The following SV2B variants were observed in gnomAD, a reference collection of about 807,000 sequenced individuals.
SV2B encodes the protein solute carrier family 22 member B2.
A neutral mutation model predicts 73.9 loss-of-function variants in SV2B; 41 were observed. The observed-to-expected ratio is 0.56, with a 90% confidence interval of 0.43 to 0.72. SV2B has a LOEUF of 0.72. Ranked by LOEUF, SV2B falls within the 30% of genes least tolerant of loss-of-function variation. The pLI is 0.00. For synonymous variants in SV2B, 314 were observed against 314.2 expected (o/e 1.00, Z 0.01); for missense variants, 764 against 857.8 (o/e 0.89, Z 1.37).
intron 4 of SV2B, among the ~76,000 whole-genome samples, chr15:91,255,380 A>T (rs993787314): frequency 6.6e-6 from 1 of 152,200 alleles, no homozygotes; most frequent in East Asian, 1.9e-4. Context: ...ATGGAAAACT[A>T]AACATCGTAT....
intron 1 of SV2B, among the ~76,000 whole-genome samples, chr15:91,138,459 T>A (rs2042907286): frequency 6.6e-6 from 1 of 152,224 alleles, no homozygotes; most frequent in African/African-American, 2.4e-5. Flanking sequence ...GAATAACATG[T>A]TGAATGACAC....
intron 9 of SV2B, among the ~76,000 whole-genome samples, chr15:91,272,084 C>T (rs2048335812): frequency 6.6e-6 from 1 of 152,140 alleles, no homozygotes; most frequent in African/African-American, 2.4e-5. Flanking sequence ...ACAAAAGTGC[C>T]AAGGTTAGTT....
In SV2B at chr15:91,267,649, T is replaced by A; in HGVS notation, c.1208+6T>A. 1 of 1,608,634 alleles carries A rather than the reference T, an allele frequency of 6.2e-7. No homozygotes were observed. Among genetic ancestry groups the A allele is most frequent in the Non-Finnish European group, 8.5e-7 (1 of 1,176,850 alleles). On this transcript the variant is annotated splice_donor_region_variant and intron_variant, in intron 8 of 12. Transcript: ENST00000394232. The surrounding 1 kb of genome is among the most constrained non-coding windows in gnomAD (Gnocchi z 4.3). Reference sequence around the variant, plus strand: ...TGGTTTGCCATGGCATTCAGGTAAGTTCTGTCTTACTTAAATTTCGTAATT... The same window carrying A: ...TGGTTTGCCATGGCATTCAGGTAAGATCTGTCTTACTTAAATTTCGTAATT...
intron 1 of SV2B, among the ~76,000 whole-genome samples, chr15:91,151,228 C>G (rs562697373): frequency 7.2e-5 from 11 of 152,326 alleles, no homozygotes; most frequent in Middle Eastern, 6.8e-3. Flanking sequence ...AAAGCACAAC[C>G]ATCTGAAGAG....
chr15:91,284,367 C>A lies in SV2B; in HGVS notation c.1708+146C>A. On this transcript the variant is annotated intron_variant, in intron 11 of 12. Transcript: ENST00000394232. The surrounding 1 kb of genome is among the most constrained non-coding windows in gnomAD (Gnocchi z 4.5). ...AAGATTGCACCCAGGGCTATAGAGCCAAGGATGTGTGCCTACAGAAGACTC... is the reference window on the plus strand; with the variant it reads ...AAGATTGCACCCAGGGCTATAGAGCAAAGGATGTGTGCCTACAGAAGACTC... 1 of 872,968 alleles carries A rather than the reference C, an allele frequency of 1.1e-6. No individual in the cohort carries two copies. Among genetic ancestry groups the A allele is most frequent in the Non-Finnish European group, 1.7e-6 (1 of 581,340 alleles). 54.1% of individuals were successfully genotyped at this position (872,968 alleles called of 1,614,324 possible).
intron 1 of SV2B, among the ~76,000 whole-genome samples, chr15:91,159,281 T>C (rs2043624759): frequency 6.6e-6 from 1 of 152,178 alleles, no homozygotes; most frequent in Non-Finnish European, 1.5e-5. Context: ...ATGTTCGGTC[T>C]TTTACAAATG....
intron 1 of SV2B, among the ~76,000 whole-genome samples, chr15:91,168,511 G>T (rs1490213421): frequency 2.0e-5 from 3 of 152,108 alleles, no homozygotes; most frequent in Admixed American, 6.5e-5. Context: ...GGGAGAAAAA[G>T]GGGATACCTC....
At chr15:91,269,229 C>T (rs2048214640) in intron 9 of SV2B, among the ~76,000 whole-genome samples, 1 of 152,148 alleles carries the variant, frequency 6.6e-6, no homozygotes, top group South Asian at 2.1e-4. Flanking sequence ...GGCCATCCGC[C>T]CTGTTGTGCT....
chr15:91,174,041 A>G (rs963410036), intron 1 of SV2B, among the ~76,000 whole-genome samples: 1 of 152,204 alleles, frequency 6.6e-6, no homozygotes, highest in Non-Finnish European at 1.5e-5. Context: ...CATTTTCTGC[A>G]TTTATTTTGC....
chr15:91,141,835 G>A lies in SV2B; in HGVS notation c.-392+41472G>A, dbSNP rs1016091231. On this transcript the variant is annotated intron_variant, in intron 1 of 12. Transcript: ENST00000394232. This position sits in a 1 kb window ranked among gnomAD's most constrained non-coding sequence, Gnocchi z 4.6. ...AGTTACATTCAGAGAGTTAGATGCT[G>A]TACCTGAAAGGGTGTATGTTTAAAA... is the stretch of plus-strand genomic sequence containing the variant. Among the ~76,000 whole-genome samples the A allele has an allele frequency of 6.6e-6, 1 of 151,658 alleles. No homozygotes were observed. The highest frequency in any genetic ancestry group is 6.6e-5 in the Admixed American group (1 of 15,214).
At chr15:91,184,345 T>G (rs8032314) in intron 1 of SV2B, among the ~76,000 whole-genome samples, 47,262 of 152,052 alleles carry the variant, frequency 0.31, 8,203 homozygotes, top group East Asian at 0.71. Flanking sequence ...GATTTTGAAT[T>G]CTGATCTCTT....
chr15:91,226,889 A>T (rs571280329), intron 2 of SV2B, among the ~76,000 whole-genome samples, 175 bp downstream of exon 2: 11 of 152,264 alleles, frequency 7.2e-5, no homozygotes, highest in Non-Finnish European at 1.2e-4. Context: ...GCTAATAAGT[A>T]TTGGAGCTTA....
rs2042161969 is a variant in SV2B at position 91,115,756 on chromosome 15, T to G, written c.-392+15393T>G. On this transcript the variant is annotated intron_variant, in intron 1 of 12. Transcript: ENST00000394232. The surrounding 1 kb of genome is among the most constrained non-coding windows in gnomAD (Gnocchi z 4.3). Reference sequence around the variant, plus strand: ...CCTTGCTTGCCCTAGTCTTGCATTTTAAGAATTAAACTATGCAAAATTCAA... The same window carrying G: ...CCTTGCTTGCCCTAGTCTTGCATTTGAAGAATTAAACTATGCAAAATTCAA... 6.6e-6 allele frequency among the ~76,000 whole-genome samples: 1 copy of G among 152,204 alleles called. No homozygotes were observed. Among genetic ancestry groups the G allele is most frequent in the Non-Finnish European group, 1.5e-5 (1 of 68,042 alleles).
chr15:91,207,024 G>T (rs1296761438), intron 1 of SV2B, among the ~76,000 whole-genome samples: 2 of 151,966 alleles, frequency 1.3e-5, no homozygotes, highest in Non-Finnish European at 2.9e-5. Context: ...AAATGGGATT[G>T]TGAGCAATTT....
chr15:91,108,350 G>A (rs942556285), intron 1 of SV2B, among the ~76,000 whole-genome samples: 10 of 152,148 alleles, frequency 6.6e-5, no homozygotes, highest in African/African-American at 2.4e-4. Flanking sequence ...CTGCAGTGTC[G>A]CATAGTTTGT....
chr15:91,282,807 G>C (rs2048725359), intron 10 of SV2B, among the ~76,000 whole-genome samples: 1 of 152,168 alleles, frequency 6.6e-6, no homozygotes, highest in African/African-American at 2.4e-5. Flanking sequence ...TCAAGATCTG[G>C]TCTCTAAATA....
chr15:91,158,646 C>A (rs1382468860), intron 1 of SV2B, among the ~76,000 whole-genome samples: 1 of 35,458 alleles, frequency 2.8e-5, no homozygotes, highest in Middle Eastern at 0.01. Flanking sequence ...CTTCTCTTCT[C>A]TTCTCTTCTC....
At position 91,214,687 on chromosome 15, in the gene SV2B, C is replaced by T. The variant is rs1407952846; in HGVS notation, c.-391-11186C>T. 2.6e-5 allele frequency among the ~76,000 whole-genome samples: 4 copies of T among 152,174 alleles called. No homozygotes were observed. The highest frequency in any genetic ancestry group is 2.1e-4 in the South Asian group (1 of 4,828). On this transcript the variant is annotated intron_variant, in intron 1 of 12. Transcript: ENST00000394232. This position sits in a 1 kb window ranked among gnomAD's most constrained non-coding sequence, Gnocchi z 4.7. ...AATTGTTTTCCCGATGAAATCAAAA[C>T]GAAGTAGGATTGGCAAGCTGCCCAT... is the stretch of plus-strand genomic sequence containing the variant.
intron 1 of SV2B, among the ~76,000 whole-genome samples, chr15:91,209,801 A>T (rs376324756): frequency 7.2e-5 from 11 of 152,188 alleles, no homozygotes; most frequent in African/African-American, 2.2e-4. Flanking sequence ...GAAGCTCCTG[A>T]CATAAACTAC....
Sources: allele counts gnomAD v4.1 joint callset (sites outside exome capture counted in the v4.1 genomes callset), GRCh38; gene constraint gnomAD v4.1.1; non-coding constraint Gnocchi (gnomAD v3.1); transcripts MANE v1.5; gene names NCBI Gene and HGNC (gene_info 2026-07-23, HGNC 2026-07-21).